NXN: variants seen among roughly 807,000 people sequenced by gnomAD.
NXN encodes nucleoredoxin 1.
In NXN, 16 loss-of-function variants were observed where a neutral mutation model predicts 48.6. That is an observed-to-expected ratio of 0.33 (90% confidence interval 0.22 to 0.50). NXN has a LOEUF of 0.50. NXN is among the 20% of genes least tolerant of loss of function. The pLI is 0.98. For missense variants in NXN, 492 were observed against 605.5 expected (o/e 0.81, Z 1.97); for synonymous variants, 281 against 269.6 (o/e 1.04, Z -0.41).
chr17:900,913 CTTTTTTTTTT>C lies in NXN; in HGVS notation c.361-74845_361-74836del, dbSNP rs11367844. Among the ~76,000 whole-genome samples, 124 of 75,880 alleles carry C rather than the reference CTTTTTTTTTT, an allele frequency of 1.6e-3. 1 individual carries two copies. The highest frequency in any genetic ancestry group is 1.9e-3 in the Non-Finnish European group (77 of 40,344). The allele number at this position is 75,880 out of a possible 152,430, so 49.8% of individuals were successfully genotyped here. A position where few individuals can be genotyped will look rare whatever the true frequency, so the allele number is the denominator to read the frequency against. On this transcript the variant is annotated intron_variant, in intron 1 of 7. Coordinates refer to ENST00000336868, the MANE Select transcript of NXN (RefSeq NM_022463.5). Reference sequence around the variant, plus strand: ...CTTTATGAAAAGATAGATCTGCATTCTTTTTTTTTTTTTTTTTTTTTTTTGGATGGAGTTT... The same window carrying C: ...CTTTATGAAAAGATAGATCTGCATTCTTTTTTTTTTTTTTGGATGGAGTTT...
chr17:889,739 G>C (rs549975222), intron 1 of NXN, among the ~76,000 whole-genome samples: 20 of 87,912 alleles, frequency 2.3e-4, no homozygotes, highest in African/African-American at 1.1e-3. Flanking sequence ...AAGAAAGAAA[G>C]AAAGAAAGAA....
At chr17:834,739 C>T (rs1179844340) in intron 1 of NXN, among the ~76,000 whole-genome samples, 3 of 151,786 alleles carry the variant, frequency 2.0e-5, no homozygotes, top group South Asian at 4.2e-4. Context: ...ACGCTGGTCT[C>T]GAACCTCCTG....
At chr17:883,170 C>CCAGG (rs2068304333) in intron 1 of NXN, among the ~76,000 whole-genome samples, 1 of 152,190 alleles carries the variant, frequency 6.6e-6, no homozygotes, top group South Asian at 2.1e-4. Flanking sequence ...AAAACACACA[C>CCAGG]CAGGGCCTTG....
intron 1 of NXN, among the ~76,000 whole-genome samples, chr17:828,289 A>G (rs1341046946): frequency 6.6e-6 from 1 of 151,240 alleles, no homozygotes; most frequent in South Asian, 2.1e-4. Flanking sequence ...TTTTTAGTAG[A>G]GACGGGGTTT....
Position 803,696 on chromosome 17 carries a change from A to G in NXN, c.1111T>C (p.Phe371Leu), listed in dbSNP as rs1254836415. 6.2e-7 allele frequency: 1 copy of G among 1,614,190 alleles called. No individual in the cohort carries two copies. The highest frequency in any genetic ancestry group is 8.5e-7 in the Non-Finnish European group (1 of 1,180,022). Residue 371 changes from phenylalanine to leucine, a missense_variant, in exon 7 of 8, where the codon TTC becomes CTC. By Grantham distance (22) the Phe-to-Leu change is conservative. This residue lies in a region of NXN where 303 missense variants were observed against 388.3 expected (regional missense o/e 0.78). Transcript: ENST00000336868. ...AKEEEAPLLF[F>L]VAGEDDMTDS... The stretch of plus-strand genomic sequence containing the variant: ...TCCGCACTCACCTCCCCGGCTACGA[A>G]GAACAGAAGGGGTGCCTCCTCCTCT...
intron 1 of NXN, among the ~76,000 whole-genome samples, chr17:873,684 A>T (rs1457215329): frequency 6.6e-6 from 1 of 152,126 alleles, no homozygotes; most frequent in Non-Finnish European, 1.5e-5. Flanking sequence ...CTTTGTGCAT[A>T]TAAATAATGA....
intron 4 of NXN, among the ~76,000 whole-genome samples, chr17:820,203 G>A (rs1478202416): frequency 6.6e-6 from 1 of 152,170 alleles, no homozygotes; most frequent in Admixed American, 6.5e-5. Flanking sequence ...TGCCTTGTCT[G>A]TGATGATGGT....
intron 1 of NXN, among the ~76,000 whole-genome samples, chr17:915,197 G>A (rs2068675588): frequency 6.6e-6 from 1 of 152,190 alleles, no homozygotes; most frequent in African/African-American, 2.4e-5. Flanking sequence ...GCCTCCAAAA[G>A]TGCTGGGATT....
intron 1 of NXN, among the ~76,000 whole-genome samples, chr17:840,561 G>A (rs976889891): frequency 6.6e-6 from 1 of 152,160 alleles, no homozygotes; most frequent in Non-Finnish European, 1.5e-5. Context: ...GGATGGTCTT[G>A]ATCTCCTGAC....
At chr17:927,089 G>A (rs535984881) in intron 1 of NXN, among the ~76,000 whole-genome samples, 116 of 149,202 alleles carry the variant, frequency 7.8e-4, no homozygotes, top group African/African-American at 2.6e-3. Context: ...CGAGGTGGGC[G>A]GATCACGAGG....
chr17:911,831 A>G (rs935379399), intron 1 of NXN, among the ~76,000 whole-genome samples: 1 of 151,342 alleles, frequency 6.6e-6, no homozygotes, highest in African/African-American at 2.4e-5. Flanking sequence ...AAAACAAAAT[A>G]TGCACATAAA....
In NXN at chr17:956,940, A is replaced by G. The variant is rs1174639961; in HGVS notation, c.360+22379T>C. On this transcript the variant is annotated intron_variant, in intron 1 of 7. Coordinates refer to ENST00000336868, the MANE Select transcript of NXN (RefSeq NM_022463.5). This position sits in a 1 kb window ranked among gnomAD's most constrained non-coding sequence, Gnocchi z 4.1. ...GGGCAACTCCAGCCCTTTTAGAACC[A>G]ATACCATGGTCATCACCCAGAAAAA... Among the ~76,000 whole-genome samples, 1 of 152,122 alleles carries G rather than the reference A, an allele frequency of 6.6e-6. No individual in the cohort carries two copies. Among genetic ancestry groups the G allele is most frequent in the Non-Finnish European group, 1.5e-5 (1 of 68,026 alleles).
chr17:801,293 GC>G (rs533052195), intron 7 of NXN, among the ~76,000 whole-genome samples, 162 bp from the exon 8 acceptor site: 74 of 152,136 alleles, frequency 4.9e-4, no homozygotes, highest in Non-Finnish European at 1.0e-3. Context: ...ACCCTGCCCT[GC>G]CTTCCGGAGG....
intron 1 of NXN, among the ~76,000 whole-genome samples, chr17:857,713 C>T (rs1028221762): frequency 2.0e-5 from 3 of 152,144 alleles, no homozygotes; most frequent in Non-Finnish European, 4.4e-5. Flanking sequence ...CAGATATCAC[C>T]AGGGCCATCA....
intron 1 of NXN, among the ~76,000 whole-genome samples, chr17:843,041 AAAGAAAGAAAGAAAGAAG>A: frequency 7.1e-6 from 1 of 141,478 alleles, no homozygotes; most frequent in African/African-American, 3.0e-5. Flanking sequence ...AGAAAGAAAG[AAAGAAAGAAAGAAAGAAG>A]GAAGAAAGCA....
chr17:839,409 C>T (rs935650950), intron 1 of NXN, among the ~76,000 whole-genome samples: 3 of 150,388 alleles, frequency 2.0e-5, no homozygotes, highest in Admixed American at 2.0e-4. Flanking sequence ...CACTCCAGCC[C>T]GGGCAACCAG....
At chr17:973,671 A>AT (rs1332999740) in intron 1 of NXN, among the ~76,000 whole-genome samples, 2 of 151,300 alleles carry the variant, frequency 1.3e-5, no homozygotes, top group East Asian at 1.9e-4. Flanking sequence ...TTATGGGGCA[A>AT]TTTTTTTTAT....
intron 1 of NXN, among the ~76,000 whole-genome samples, chr17:918,387 A>G (rs866009538): frequency 1.3e-5 from 2 of 152,176 alleles, no homozygotes; most frequent in South Asian, 4.1e-4. Context: ...GCAGCGTTTC[A>G]TCTCCTTCGT....
chr17:863,986 G>A (rs2068068000), intron 1 of NXN: 8 of 1,534,938 alleles, frequency 5.2e-6, no homozygotes, highest in Non-Finnish European at 7.0e-6. Flanking sequence ...GTTAACCATT[G>A]CTCAGTTTCG....
Sources: gnomAD v4.1 joint callset for allele counts (sites outside exome capture counted in the v4.1 genomes callset) on GRCh38, gnomAD v4.1.1 for gene constraint, gnomAD v4.1.1 regional missense constraint, Gnocchi (gnomAD v3.1) non-coding constraint, MANE v1.5 for transcripts, NCBI Gene and HGNC (gene_info 2026-07-23, HGNC 2026-07-21) for gene names.